The following CA10 variants were observed in gnomAD, a reference collection of about 807,000 sequenced individuals.
The protein encoded by CA10 is carbonic anhydrase 10 (inactive).
A neutral mutation model predicts 44.2 loss-of-function variants in CA10; 14 were observed. That is an observed-to-expected ratio of 0.32 (90% CI 0.21 to 0.50). The LOEUF is 0.50. CA10 is among the 20% of genes least tolerant of loss of function. The pLI is 0.99. For missense variants in CA10, 350 were observed against 409.7 expected (o/e 0.85, Z 1.26); for synonymous variants, 159 against 141.6 (o/e 1.12, Z -0.87).
In CA10 at chr17:52,034,181, AT is replaced by A. The variant is rs1986550199; in HGVS notation, c.136+38137del. On this transcript the variant is annotated intron_variant, in intron 2 of 8. Coordinates refer to ENST00000451037, the MANE Select transcript of CA10 (RefSeq NM_020178.5). ...AATATTTGCTAAGATGGTAGATCTT[AT>A]GTAAAATTTTCTTATCACACACAAA... 2.0e-5 allele frequency among the ~76,000 whole-genome samples: 3 copies of A among 152,332 alleles called. No homozygotes were observed. The South Asian group carries it at 6.2e-4, about 32-fold the overall frequency.
At chr17:52,094,617 T>G (rs1335931514) in intron 1 of CA10, among the ~76,000 whole-genome samples, 4 of 152,172 alleles carry the variant, frequency 2.6e-5, no homozygotes, top group Non-Finnish European at 4.4e-5. Flanking sequence ...CAGAAATACT[T>G]TAAAACTTAA....
At chr17:51,693,818 G>A (rs958531377) in intron 4 of CA10, among the ~76,000 whole-genome samples, 6 of 152,172 alleles carry the variant, frequency 3.9e-5, no homozygotes, top group African/African-American at 1.4e-4. Flanking sequence ...GAGTGCATGT[G>A]TCTTTTTGGT....
At chr17:52,129,423 A>T (rs980674669) in intron 1 of CA10, among the ~76,000 whole-genome samples, 2 of 152,200 alleles carry the variant, frequency 1.3e-5, no homozygotes, top group Non-Finnish European at 2.9e-5. Context: ...TCACAAGAAC[A>T]CTATGAGGTA....
chr17:52,060,124 A>G (rs978813465), intron 2 of CA10, among the ~76,000 whole-genome samples: 1 of 152,182 alleles, frequency 6.6e-6, no homozygotes, highest in Non-Finnish European at 1.5e-5. Flanking sequence ...ACCCTCTGAT[A>G]GGATGTAATG....
chr17:52,077,217 G>C (rs529985730), intron 1 of CA10, among the ~76,000 whole-genome samples: 22 of 152,270 alleles, frequency 1.4e-4, no homozygotes, highest in Non-Finnish European at 2.9e-4. Flanking sequence ...CTGAATGAAT[G>C]GGATAGCTGA....
Position 51,721,712 on chromosome 17 carries a change from A to T in CA10, c.465+25921T>A, listed in dbSNP as rs181134232. The stretch of plus-strand genomic sequence containing the variant: ...CTGGTGAGGGGTCATAATTATTTTT[A>T]AAAAAAGTCTTCGCGAGATTTGATG... On this transcript the variant is annotated intron_variant, in intron 4 of 8. Coordinates refer to ENST00000451037, the MANE Select transcript of CA10 (RefSeq NM_020178.5). Among the ~76,000 whole-genome samples the T allele has an allele frequency of 2.6e-5, 4 of 152,194 alleles. 1 individual carries two copies. Among genetic ancestry groups the T allele is most frequent in the Admixed American group, 2.6e-4 (4 of 15,274 alleles).
At chr17:51,756,731 C>T (rs1283408456) in intron 3 of CA10, among the ~76,000 whole-genome samples, 1 of 152,110 alleles carries the variant, frequency 6.6e-6, no homozygotes, top group Admixed American at 6.5e-5. Flanking sequence ...CCGTCTTGGC[C>T]TCCCAAAGTG....
At chr17:51,789,658 T>A (rs1016278162) in intron 3 of CA10, among the ~76,000 whole-genome samples, 9 of 152,164 alleles carry the variant, frequency 5.9e-5, no homozygotes, top group African/African-American at 2.2e-4. Flanking sequence ...TAACATATCC[T>A]CCCTTCCTTG....
intron 6 of CA10, among the ~76,000 whole-genome samples, chr17:51,639,304 C>T (rs534393100): frequency 3.6e-4 from 54 of 151,918 alleles, no homozygotes; most frequent in Non-Finnish European, 4.4e-4. Context: ...TTATTCGGGG[C>T]GGTGGGGAGG....
intron 4 of CA10, among the ~76,000 whole-genome samples, chr17:51,715,159 T>A (rs912704600): frequency 4.6e-5 from 7 of 151,822 alleles, no homozygotes; most frequent in Non-Finnish European, 8.8e-5. Flanking sequence ...AGGTGGGAAT[T>A]GAACAATGAG....
intron 3 of CA10, among the ~76,000 whole-genome samples, chr17:51,888,957 T>C (rs1401741043): frequency 6.6e-5 from 10 of 152,162 alleles, no homozygotes; most frequent in African/African-American, 9.7e-5. Flanking sequence ...TTCTCTGGGA[T>C]GGCTGTCTAA....
intron 4 of CA10, among the ~76,000 whole-genome samples, chr17:51,711,462 T>C (rs1456858219): frequency 1.3e-5 from 2 of 152,186 alleles, no homozygotes; most frequent in Admixed American, 1.3e-4. Context: ...GAAGGCCCAA[T>C]CTGAATGAGT....
intron 3 of CA10, among the ~76,000 whole-genome samples, chr17:51,840,020 A>G (rs1252306175): frequency 6.6e-6 from 1 of 152,236 alleles, no homozygotes; most frequent in Non-Finnish European, 1.5e-5. Flanking sequence ...CATAAAGTAA[A>G]TAGAGTATAG....
At chr17:51,992,677 C>T (rs979790413) in intron 2 of CA10, among the ~76,000 whole-genome samples, 1 of 152,034 alleles carries the variant, frequency 6.6e-6, no homozygotes, top group African/African-American at 2.4e-5. Flanking sequence ...TTTCAAGGGG[C>T]CCTGATCACC....
At chr17:52,041,966 G>C (rs1362784520) in intron 2 of CA10, among the ~76,000 whole-genome samples, 1 of 151,994 alleles carries the variant, frequency 6.6e-6, no homozygotes, top group Non-Finnish European at 1.5e-5. Flanking sequence ...GTGTCTGTGA[G>C]AAAATCACAT....
intron 2 of CA10, among the ~76,000 whole-genome samples, chr17:52,056,916 A>G (rs1183969428): frequency 1.3e-5 from 2 of 152,086 alleles, no homozygotes; most frequent in Admixed American, 6.6e-5. Flanking sequence ...TTACAATCAT[A>G]GTGCTATTGT....
chr17:52,075,494 T>C (rs1453619649), intron 1 of CA10, among the ~76,000 whole-genome samples: 1 of 152,242 alleles, frequency 6.6e-6, no homozygotes, highest in Admixed American at 6.5e-5. Flanking sequence ...AGACATGCTT[T>C]GTGTGTATAT....
At chr17:52,081,636 T>TAAAAATACA in intron 1 of CA10, among the ~76,000 whole-genome samples, 1 of 151,702 alleles carries the variant, frequency 6.6e-6, no homozygotes, top group Non-Finnish European at 1.5e-5. Context: ...CCGTCTCTAC[T>TAAAAATACA]AAAAATACAA....
chr17:52,155,345 G>C (rs754742936), intron 1 of CA10, among the ~76,000 whole-genome samples: 1 of 152,136 alleles, frequency 6.6e-6, no homozygotes, highest in Admixed American at 6.6e-5. Context: ...TCAGTCATGA[G>C]TAAATTAAAA....
Sources: gnomAD v4.1 joint callset for allele counts (sites outside exome capture counted in the v4.1 genomes callset) on GRCh38, gnomAD v4.1.1 for gene constraint, MANE v1.5 for transcripts, NCBI Gene and HGNC (gene_info 2026-07-23, HGNC 2026-07-21) for gene names.